Variants in INPP4B observed in about 807,000 individuals in gnomAD.
INPP4B encodes the protein inositol polyphosphate 4-phosphatase type II.
Under a neutral mutation model 122.5 loss-of-function variants are expected in INPP4B, and 55 were observed. That is an observed-to-expected ratio of 0.45 (90% CI 0.36 to 0.56). The LOEUF is 0.56. Among genes scored for constraint, INPP4B ranks in the 20% least tolerant of loss-of-function variants. The pLI is 0.00. For synonymous variants in INPP4B, 403 were observed against 388.7 expected, an observed-to-expected ratio of 1.04 and a Z score of -0.43; for missense variants, 1,000 against 1,097.7, an observed-to-expected ratio of 0.91 and a Z score of 1.26.
At chr4:142,185,388 ATG>A (rs145785141) in intron 15 of INPP4B, among the ~76,000 whole-genome samples, 52 of 146,340 alleles carry the variant, frequency 3.6e-4, no homozygotes, top group African/African-American at 1.2e-3. Context: ...ATATATGTGT[ATG>A]TGTGTGTGTA....
chr4:142,659,226 C>T (rs1467408082), intron 2 of INPP4B, among the ~76,000 whole-genome samples: 2 of 137,394 alleles, frequency 1.5e-5, no homozygotes, highest in South Asian at 2.5e-4. Context: ...GGTGAAACCC[C>T]GCCTCTACTA....
intron 1 of INPP4B, among the ~76,000 whole-genome samples, chr4:142,796,841 A>G (rs1168694364): frequency 6.6e-6 from 1 of 150,612 alleles, no homozygotes; most frequent in Non-Finnish European, 1.5e-5. Context: ...AGGCTCCTCT[A>G]TTCACAGAAA....
rs546489056 is a variant in INPP4B, at chr4:142,502,229, GTTTC to G, written c.-190-39507_-190-39504del. On this transcript the variant is annotated intron_variant, in intron 2 of 25. Coordinates refer to ENST00000262992, the MANE Select transcript of INPP4B (RefSeq NM_001101669.3). ...AACTGAGGATTGAACTCTGACCACTGTTTCTTGTTCTAAACCTCTTCCTGAGGCA... is the reference window on the plus strand; with the variant it reads ...AACTGAGGATTGAACTCTGACCACTGTTGTTCTAAACCTCTTCCTGAGGCA... 4.6e-5 allele frequency among the ~76,000 whole-genome samples: 7 copies of G among 152,248 alleles called. No individual in the cohort carries two copies. In the South Asian group the frequency reaches 1.5e-3, roughly 32 times the overall value.
Position 142,028,463 on chromosome 4 carries a change from A to G in INPP4B, c.*319T>C. 1 of 320,370 alleles carries G rather than the reference A, an allele frequency of 3.1e-6. No homozygotes were observed. The highest frequency in any genetic ancestry group is 2.1e-5 in the African/African-American group (1 of 47,752). The allele number at this position is 320,370 out of a possible 1,614,324, so 19.8% of individuals were successfully genotyped here. ...AATCACCCCTAGTCCTATTGAAATG[A>G]TCCATGTTTCCTCAGAAACATTTAA... is the stretch of plus-strand genomic sequence containing the variant. On this transcript the variant is annotated 3_prime_UTR_variant, in exon 26 of 26. Transcript: ENST00000262992.
intron 10 of INPP4B, 143 bp downstream of exon 10, chr4:142,270,520 T>C (rs1432778342): frequency 3.1e-6 from 2 of 644,394 alleles, no homozygotes; most frequent in South Asian, 3.7e-5. Context: ...AACACACATA[T>C]TGTATTCCAA....
In INPP4B at chr4:142,665,940, A is replaced by C. The variant is rs1384948919; in HGVS notation, c.-191+59899T>G. On this transcript the variant is annotated intron_variant, in intron 2 of 25. Coordinates refer to ENST00000262992, the MANE Select transcript of INPP4B (RefSeq NM_001101669.3). ...ATGCTTATGATAAGGTTTAATTTAT[A>C]AACAAGGAATAGTAGAGATTAGAAA... Among the ~76,000 whole-genome samples, 3 of 152,322 alleles carry C rather than the reference A, an allele frequency of 2.0e-5. No individual in the cohort carries two copies. In the East Asian group the frequency reaches 5.8e-4, roughly 29 times the overall value.
chr4:142,289,859 T>G (rs1182544387), intron 9 of INPP4B, among the ~76,000 whole-genome samples: 1 of 152,178 alleles, frequency 6.6e-6, no homozygotes, highest in Non-Finnish European at 1.5e-5. Flanking sequence ...TTTCCTCCCT[T>G]TCTCTGAAAT....
In INPP4B at chr4:142,492,062, G is replaced by C. The variant is rs561046648; in HGVS notation, c.-190-29336C>G. ...GAGCAGTTAATCCCATGCTGTTCAT[G>C]TGAGTTCTCATGACATCTGATGGTT... On this transcript the variant is annotated intron_variant, in intron 2 of 25. Transcript: ENST00000262992. Among the ~76,000 whole-genome samples the C allele has an allele frequency of 6.6e-5, 10 of 152,194 alleles. No homozygotes were observed. In the East Asian group the frequency reaches 1.9e-3, roughly 29 times the overall value.
intron 2 of INPP4B, among the ~76,000 whole-genome samples, chr4:142,645,755 T>C (rs2150508171): frequency 6.6e-6 from 1 of 152,282 alleles, no homozygotes; most frequent in African/African-American, 2.4e-5. Context: ...AGAAATAAAC[T>C]CTATCTATAA....
intron 2 of INPP4B, among the ~76,000 whole-genome samples, chr4:142,661,169 A>G (rs1755108017): frequency 6.6e-6 from 1 of 152,130 alleles, no homozygotes; most frequent in Non-Finnish European, 1.5e-5. Flanking sequence ...CACCCAATAA[A>G]ACCCTATTTT....
chr4:142,564,742 G>T lies in INPP4B; in HGVS notation c.-190-102016C>A, dbSNP rs140586697. On this transcript the variant is annotated intron_variant, in intron 2 of 25. Transcript: ENST00000262992. Reference sequence around the variant, plus strand: ...TGGAATGTTGGAGTATCTGATGCAGGTTGTTCATGGACCACACTTTGAAAA... The same window carrying T: ...TGGAATGTTGGAGTATCTGATGCAGTTTGTTCATGGACCACACTTTGAAAA... Among the ~76,000 whole-genome samples, 413 of 152,090 alleles carry T rather than the reference G, an allele frequency of 2.7e-3. 3 individuals carry two copies. The highest frequency in any genetic ancestry group is 9.4e-3 in the African/African-American group (392 of 41,498).
rs1468253839 is a variant in INPP4B at position 142,246,023 on chromosome 4, TGTAC to T, written c.689-8016_689-8013del. The stretch of plus-strand genomic sequence containing the variant: ...GTGTATGTATACACACATGTGTGTA[TGTAC>T]ACACACGTGTGTGTATACACACATT... On this transcript the variant is annotated intron_variant, in intron 11 of 25. Transcript: ENST00000262992. 2.8e-4 allele frequency among the ~76,000 whole-genome samples: 40 copies of T among 140,428 alleles called. 2 individuals carry two copies. The highest frequency in any genetic ancestry group is 6.4e-4 in the East Asian group (3 of 4,682). The allele number at this position is 140,428 out of a possible 152,430, so 92.1% of individuals were successfully genotyped here.
At chr4:142,576,854 G>A (rs764251147) in intron 2 of INPP4B, among the ~76,000 whole-genome samples, 3 of 151,842 alleles carry the variant, frequency 2.0e-5, no homozygotes, top group South Asian at 2.1e-4. Context: ...TATTTTCCAC[G>A]GTAAGGTTTA....
At chr4:142,571,605 C>T (rs1732841251) in intron 2 of INPP4B, among the ~76,000 whole-genome samples, 1 of 152,106 alleles carries the variant, frequency 6.6e-6, no homozygotes, top group Admixed American at 6.6e-5. Context: ...GCATAATTAT[C>T]TCCTTGCAAT....
intron 2 of INPP4B, among the ~76,000 whole-genome samples, chr4:142,691,328 G>GTT (rs1220526135): frequency 2.0e-5 from 3 of 146,696 alleles, no homozygotes; most frequent in East Asian, 2.0e-4. Context: ...CAAGGGCAAA[G>GTT]TTTTTTTTTT....
At chr4:142,029,752 A>AACTTGTCTCAGGGTTTCAGTGTTTGT in intron 25 of INPP4B, 1 of 995,734 alleles carries the variant, frequency 1.0e-6, no homozygotes, top group Non-Finnish European at 1.2e-6. Context: ...ACATCTCTAG[A>AACTTGTCTCAGGGTTTCAGTGTTTGT]ACTTGTCTCA....
At chr4:142,595,115 G>T (rs2150267300) in intron 2 of INPP4B, among the ~76,000 whole-genome samples, 1 of 151,866 alleles carries the variant, frequency 6.6e-6, no homozygotes, top group South Asian at 2.1e-4. Context: ...TACATAAAAT[G>T]CCTATTTACG....
intron 11 of INPP4B, among the ~76,000 whole-genome samples, chr4:142,241,432 A>T (rs935177828): frequency 1.3e-5 from 2 of 152,164 alleles, no homozygotes; most frequent in African/African-American, 4.8e-5. Context: ...AGATGAACAC[A>T]TAGAAGGAAA....
At chr4:142,549,947 C>A (rs1027551692) in intron 2 of INPP4B, among the ~76,000 whole-genome samples, 1 of 152,108 alleles carries the variant, frequency 6.6e-6, no homozygotes, top group Non-Finnish European at 1.5e-5. Context: ...AAGGCAATAG[C>A]CTCGTGTATT....
Sources: gnomAD v4.1 joint callset for allele counts (sites outside exome capture counted in the v4.1 genomes callset) on GRCh38, gnomAD v4.1.1 for gene constraint, MANE v1.5 for transcripts, NCBI Gene and HGNC (gene_info 2026-07-23, HGNC 2026-07-21) for gene names.